The following PRKCH variants were observed in gnomAD, a reference collection of about 807,000 sequenced individuals.
PRKCH encodes the protein protein kinase C eta type.
A neutral mutation model predicts 82.5 loss-of-function variants in PRKCH; 28 were observed. That is an observed-to-expected ratio of 0.34 (90% CI 0.25 to 0.47). PRKCH has a LOEUF of 0.47. PRKCH is among the 20% of genes least tolerant of loss of function. The probability of loss-of-function intolerance (pLI) is 1.00; values close to 1 mark genes in which losing one functional copy is unlikely to be tolerated. For synonymous variants in PRKCH, 322 were observed against 327.4 expected (o/e 0.98, Z 0.18); for missense variants, 705 against 881.8 (o/e 0.80, Z 2.54).
At chr14:61,400,972 G>A (rs969611208) in intron 2 of PRKCH, among the ~76,000 whole-genome samples, 2 of 152,132 alleles carry the variant, frequency 1.3e-5, no homozygotes, top group Non-Finnish European at 2.9e-5. Context: ...GGGGTGGGGG[G>A]GCAGCATTTT....
chr14:61,318,371 T>G (rs1248824744), upstream of PRKCH, among the ~76,000 whole-genome samples: 3 of 150,130 alleles, frequency 2.0e-5, no homozygotes, highest in South Asian at 6.4e-4. Context: ...AAAAGTTTTT[T>G]TTTTTTTTTT....
intron 1 of PRKCH, among the ~76,000 whole-genome samples, chr14:61,223,950 C>T (rs1353533250): frequency 6.6e-6 from 1 of 152,200 alleles, no homozygotes; most frequent in Admixed American, 6.5e-5. Context: ...CCTAATAAGT[C>T]TCCTCTTTGT....
At chr14:61,197,244 C>T (rs1258975292) in intron 1 of PRKCH, among the ~76,000 whole-genome samples, 1 of 152,172 alleles carries the variant, frequency 6.6e-6, no homozygotes, top group Non-Finnish European at 1.5e-5. Flanking sequence ...ACATATTTTG[C>T]CATGGGAATG....
chr14:61,307,186 G>T (rs111323202), intron 1 of PRKCH: 4 of 152,242 alleles, frequency 2.6e-5, no homozygotes, highest in African/African-American at 9.6e-5. Flanking sequence ...ATCGCTTGAG[G>T]CTAGGAGTTC....
intron 10 of PRKCH, chr14:61,525,736 A>G (rs757584013): frequency 1.3e-5 from 2 of 152,174 alleles, no homozygotes; most frequent in African/African-American, 2.4e-5. Context: ...GCCCAAGAAG[A>G]TCCTTTCCAA....
chr14:61,192,016 CATT>C (rs1423915047), intron 1 of PRKCH, among the ~76,000 whole-genome samples: 3 of 106,548 alleles, frequency 2.8e-5, no homozygotes, highest in African/African-American at 9.4e-5. Flanking sequence ...TTTCCTAAAA[CATT>C]GTGTGTGTGT....
At chr14:61,432,888 T>C (rs1037592947) in intron 2 of PRKCH, among the ~76,000 whole-genome samples, 4 of 134,726 alleles carry the variant, frequency 3.0e-5, no homozygotes, top group African/African-American at 1.1e-4. Context: ...CTTTTTCTTT[T>C]TTTTTTTCCT....
intron 1 of PRKCH, among the ~76,000 whole-genome samples, chr14:61,254,291 A>T (rs1352387488): frequency 6.6e-6 from 1 of 152,102 alleles, no homozygotes; most frequent in Non-Finnish European, 1.5e-5. Flanking sequence ...TGCCTTTCCA[A>T]TCTTAAAAGA....
intron 12 of PRKCH, among the ~76,000 whole-genome samples, chr14:61,537,356 T>A (rs2043125427): frequency 6.6e-6 from 1 of 152,034 alleles, no homozygotes; most frequent in South Asian, 2.1e-4. Context: ...ATTTCTTAAT[T>A]TTTTTTAACT....
chr14:61,220,516 C>T (rs988613977), intron 1 of PRKCH, among the ~76,000 whole-genome samples: 4 of 152,156 alleles, frequency 2.6e-5, no homozygotes, highest in African/African-American at 9.7e-5. Flanking sequence ...TACACTGGGA[C>T]AGTGAAAAAC....
In PRKCH at chr14:61,280,109, C is replaced by G; in HGVS notation, c.-19+92441C>G. The G allele has an allele frequency of 6.2e-7, 1 of 1,611,364 alleles. No homozygotes were observed. Among genetic ancestry groups the G allele is most frequent in the South Asian group, 1.1e-5 (1 of 90,746 alleles). On this transcript the variant is annotated intron_variant, in intron 1 of 3. Transcript: ENST00000555185. The surrounding 1 kb of genome is among the most constrained non-coding windows in gnomAD (Gnocchi z 5.0). ...AGCCGGAATCACTCCTCGTCGTCGT[C>G]GTCCTGGTCCTGGTAGCGAATGTAG... is the stretch of plus-strand genomic sequence containing the variant.
chr14:61,460,541 A>AT (rs1431970137), intron 9 of PRKCH, among the ~76,000 whole-genome samples: 1 of 152,190 alleles, frequency 6.6e-6, no homozygotes, highest in East Asian at 1.9e-4. Flanking sequence ...TATGTCTGTT[A>AT]TTTAATCCTT....
intron 12 of PRKCH, among the ~76,000 whole-genome samples, chr14:61,535,924 C>G (rs1172721628): frequency 6.6e-6 from 1 of 152,192 alleles, no homozygotes; most frequent in Non-Finnish European, 1.5e-5. Context: ...TCTAAAATTT[C>G]CACATGGAAA....
intron 12 of PRKCH, among the ~76,000 whole-genome samples, chr14:61,538,211 G>C (rs947759193): frequency 6.6e-6 from 1 of 152,210 alleles, no homozygotes; most frequent in Non-Finnish European, 1.5e-5. Flanking sequence ...GTTATCAAAA[G>C]ATCCTTGAGT....
chr14:61,384,716 CGTT>C (rs2046561213), intron 1 of PRKCH, among the ~76,000 whole-genome samples: 1 of 151,932 alleles, frequency 6.6e-6, no homozygotes, highest in South Asian at 2.1e-4. Context: ...TGAGGGTGCA[CGTT>C]GGGAATCATT....
chr14:61,336,349 G>A lies in PRKCH; in HGVS notation c.363+13885G>A, dbSNP rs117874288. On this transcript the variant is annotated intron_variant, in intron 1 of 13. Coordinates refer to ENST00000332981, the MANE Select transcript of PRKCH (RefSeq NM_006255.5). ...GAAGAGAAGATGGCTTCCTTATCCC[G>A]GAATCACAGGGATTGGGGGTAAATT... Among the ~76,000 whole-genome samples the A allele has an allele frequency of 7.9e-3, 1,203 of 152,292 alleles. 44 individuals are homozygous for A. In the East Asian group the frequency reaches 0.098, roughly 12 times the overall value.
intron 10 of PRKCH, among the ~76,000 whole-genome samples, chr14:61,522,710 G>A (rs2042921477): frequency 6.6e-6 from 1 of 152,158 alleles, no homozygotes; most frequent in African/African-American, 2.4e-5. Context: ...TGTAAATTTA[G>A]TTGTGTGGTG....
intron 1 of PRKCH, among the ~76,000 whole-genome samples, chr14:61,367,767 T>C (rs1045759247): frequency 2.1e-4 from 32 of 149,114 alleles, no homozygotes; most frequent in African/African-American, 8.0e-4. Flanking sequence ...CAGGCTGGAG[T>C]GCAGTGGCGC....
chr14:61,284,965 C>T (rs1426852180), intron 1 of PRKCH, among the ~76,000 whole-genome samples: 1 of 152,054 alleles, frequency 6.6e-6, no homozygotes, highest in African/African-American at 2.4e-5. Flanking sequence ...TTTCTATGTT[C>T]CTTAATGGTG....
Sources: gnomAD v4.1 joint callset for allele counts (sites outside exome capture counted in the v4.1 genomes callset) on GRCh38, gnomAD v4.1.1 for gene constraint, Gnocchi (gnomAD v3.1) non-coding constraint, MANE v1.5 for transcripts, NCBI Gene and HGNC (gene_info 2026-07-23, HGNC 2026-07-21) for gene names.